The following SCOC variants were observed in gnomAD, a reference collection of about 807,000 sequenced individuals.
SCOC encodes the protein short coiled coil protein.
A neutral mutation model predicts 9.9 loss-of-function variants in SCOC; 7 were observed. The ratio of observed to expected loss-of-function variants is 0.71; its 90% CI spans 0.40 to 1.33. The LOEUF (loss-of-function observed/expected upper bound fraction) is 1.33. Ranked by LOEUF, SCOC falls within the 40% of genes most tolerant of loss-of-function variation. The pLI, the probability that SCOC is intolerant of heterozygous loss-of-function variation, is 0.01. For missense variants in SCOC, 66 were observed against 89.7 expected (o/e 0.74, Z 1.07); for synonymous variants, 19 against 28.2 (o/e 0.67, Z 1.03).
chr4:140,301,407 A>G (rs562168584), intron 1 of SCOC, among the ~76,000 whole-genome samples: 126 of 149,488 alleles, frequency 8.4e-4, no homozygotes, highest in African/African-American at 3.1e-3. Flanking sequence ...AGATGTACAA[A>G]TATTAATTCC....
chr4:140,304,557 G>A (rs1731909131), intron 1 of SCOC, among the ~76,000 whole-genome samples: 1 of 152,254 alleles, frequency 6.6e-6, no homozygotes, highest in Admixed American at 6.5e-5. Context: ...CTACAGTGAA[G>A]CAATTAACAC....
At chr4:140,263,095 A>G (rs752435886) in intron 1 of SCOC, among the ~76,000 whole-genome samples, 1 of 152,204 alleles carries the variant, frequency 6.6e-6, no homozygotes, top group Non-Finnish European at 1.5e-5. Context: ...GCACAGGCAA[A>G]TTAAAATCCT....
At chr4:140,340,621 T>C (rs902382119), upstream of SCOC, among the ~76,000 whole-genome samples, 4 of 151,896 alleles carry the variant, frequency 2.6e-5, no homozygotes, top group Non-Finnish European at 5.9e-5. Context: ...AGCCTAAGTA[T>C]AGGAGCTAAA....
chr4:140,327,394 C>T (rs557795012), intron 1 of SCOC, among the ~76,000 whole-genome samples: 1 of 151,968 alleles, frequency 6.6e-6, no homozygotes, highest in South Asian at 2.1e-4. Context: ...CTATATGGAG[C>T]TCTCTAAGGT....
At chr4:140,345,447 A>G (rs2126516239) in intron 2 of SCOC, among the ~76,000 whole-genome samples, 1 of 152,354 alleles carries the variant, frequency 6.6e-6, no homozygotes, top group Middle Eastern at 3.4e-3. Flanking sequence ...GTGCCAGTTA[A>G]CAAAGACACC....
At chr4:140,335,112 T>C (rs1051017648) in intron 1 of SCOC, among the ~76,000 whole-genome samples, 1 of 152,208 alleles carries the variant, frequency 6.6e-6, no homozygotes, top group Non-Finnish European at 1.5e-5. Flanking sequence ...CTTTATTACA[T>C]CTTTGATTTT....
intron 2 of SCOC, among the ~76,000 whole-genome samples, chr4:140,359,858 T>C (rs1329895491): frequency 2.6e-5 from 4 of 152,222 alleles, no homozygotes; most frequent in Non-Finnish European, 5.9e-5. Flanking sequence ...TAGTGAGGGA[T>C]AGGACAGCAT....
At chr4:140,366,183 CTTTT>C in intron 2 of SCOC, 2 of 9,458 alleles carry the variant, frequency 2.1e-4, no homozygotes, top group Non-Finnish European at 3.6e-4. Context: ...TTCTTTCTTT[CTTTT>C]TTTTTTTTTT....
chr4:140,357,051 C>T (rs1311093045), intron 2 of SCOC, among the ~76,000 whole-genome samples: 1 of 152,098 alleles, frequency 6.6e-6, no homozygotes, highest in South Asian at 2.1e-4. Context: ...CTCACTGCAA[C>T]CTTCGCCTCC....
Position 140,266,885 on chromosome 4 carries a change from G to A in SCOC, c.-19+9475G>A, listed in dbSNP as rs886885899. On this transcript the variant is annotated intron_variant, in intron 1 of 4. Coordinates refer to the SCOC transcript ENST00000394205. The stretch of plus-strand genomic sequence containing the variant: ...GAGAAAAACTATTAATTAGTATTGA[G>A]GAGATCTATAAAGTCTCTTCCTGGG... 4.6e-5 allele frequency among the ~76,000 whole-genome samples: 7 copies of A among 152,202 alleles called. 1 individual carries two copies. The highest frequency in any genetic ancestry group is 8.8e-5 in the Non-Finnish European group (6 of 68,018).
intron 1 of SCOC, among the ~76,000 whole-genome samples, chr4:140,315,500 T>G (rs1732290479): frequency 6.6e-6 from 1 of 152,220 alleles, no homozygotes; most frequent in African/African-American, 2.4e-5. Flanking sequence ...TCTTAACCAG[T>G]GTGCTATACT....
chr4:140,371,535 TTACTATAC>T (rs1253667565), upstream of SCOC, among the ~76,000 whole-genome samples: 1 of 152,224 alleles, frequency 6.6e-6, no homozygotes, highest in East Asian at 1.9e-4. Context: ...CCACGAACAG[TTACTATAC>T]TAATTTACAC....
At chr4:140,315,655 C>T (rs76453892) in intron 1 of SCOC, among the ~76,000 whole-genome samples, 8 of 152,218 alleles carry the variant, frequency 5.3e-5, no homozygotes, top group Non-Finnish European at 7.3e-5. Context: ...GTGACCCCTG[C>T]ACTGTCTAGT....
intron 1 of SCOC, among the ~76,000 whole-genome samples, chr4:140,332,284 T>C (rs1345673668): frequency 6.6e-6 from 1 of 151,978 alleles, no homozygotes. Flanking sequence ...TCCTTCTATG[T>C]GTTTCATAGT....
chr4:140,258,233 G>T (rs895048269), intron 1 of SCOC, among the ~76,000 whole-genome samples: 3 of 152,204 alleles, frequency 2.0e-5, no homozygotes, highest in Non-Finnish European at 4.4e-5. Context: ...TTTTCTGGCT[G>T]TGATGAGATG....
chr4:140,331,072 G>A (rs766642115), intron 1 of SCOC, among the ~76,000 whole-genome samples: 22 of 152,194 alleles, frequency 1.4e-4, no homozygotes, highest in Non-Finnish European at 2.4e-4. Context: ...ACATCCATAT[G>A]TGGCAGCCCT....
chr4:140,379,319 C>A, intron 2 of SCOC, 127 bp downstream of exon 2: 1 of 759,840 alleles, frequency 1.3e-6, no homozygotes, highest in Admixed American at 2.2e-5. Context: ...TTATTTATAT[C>A]TCATCTAGTG....
chr4:140,265,491 T>C (rs1445391528), intron 1 of SCOC, among the ~76,000 whole-genome samples: 5 of 152,224 alleles, frequency 3.3e-5, no homozygotes, highest in Admixed American at 3.3e-4. Context: ...CAATAGGCTC[T>C]GAGACTTCAG....
intron 2 of SCOC, among the ~76,000 whole-genome samples, chr4:140,348,471 G>C (rs1726833812): frequency 6.6e-6 from 1 of 151,928 alleles, no homozygotes; most frequent in Non-Finnish European, 1.5e-5. Flanking sequence ...CAAATGGCAA[G>C]ATTTCCTTCT....
Sources: allele counts gnomAD v4.1 joint callset (sites outside exome capture counted in the v4.1 genomes callset), GRCh38; gene constraint gnomAD v4.1.1; transcripts MANE v1.5; gene names NCBI Gene and HGNC (gene_info 2026-07-23, HGNC 2026-07-21).